Variants in RARB observed in about 807,000 individuals in gnomAD.
RARB encodes the protein HBV-activated protein.
In RARB, 17 loss-of-function variants were observed where a neutral mutation model predicts 51.9. The observed-to-expected ratio is 0.33, with a 90% confidence interval of 0.22 to 0.49. The LOEUF is 0.49. Ranked by LOEUF, RARB falls within the 20% of genes least tolerant of loss-of-function variation. The pLI is 0.99. For missense variants in RARB, 369 were observed against 550.8 expected, an observed-to-expected ratio of 0.67 and a Z score of 3.30; for synonymous variants, 215 against 195.4, an observed-to-expected ratio of 1.10 and a Z score of -0.84.
intron 4 of RARB, among the ~76,000 whole-genome samples, chr3:25,140,026 A>G (rs1487948913): frequency 6.6e-6 from 1 of 152,092 alleles, no homozygotes; most frequent in African/African-American, 2.4e-5. Flanking sequence ...CCTTCAAAAT[A>G]TTATTGCTTA....
intron 2 of RARB, among the ~76,000 whole-genome samples, chr3:25,499,489 C>CA (rs1161262663): frequency 6.6e-6 from 1 of 152,158 alleles, no homozygotes; most frequent in African/African-American, 2.4e-5. Flanking sequence ...CCATTGTCTG[C>CA]AAAGCTGTAT....
intron 5 of RARB, among the ~76,000 whole-genome samples, chr3:25,383,906 G>A (rs532327626): frequency 6.6e-6 from 1 of 151,256 alleles, no homozygotes; most frequent in East Asian, 2.0e-4. Context: ...CTCCAACCTG[G>A]GGGACAAGAG....
intron 3 of RARB, among the ~76,000 whole-genome samples, chr3:25,555,277 T>A (rs540916884): frequency 5.3e-5 from 8 of 152,196 alleles, no homozygotes; most frequent in Non-Finnish European, 1.2e-4. Context: ...AGCTCTCTTC[T>A]CAGATGGCCC....
intron 5 of RARB, among the ~76,000 whole-genome samples, chr3:25,226,340 C>G (rs543505004): frequency 6.6e-6 from 1 of 152,138 alleles, no homozygotes; most frequent in Non-Finnish European, 1.5e-5. Flanking sequence ...TAGCAGTGAA[C>G]TTGCTCTGAC....
intron 2 of RARB, among the ~76,000 whole-genome samples, chr3:25,049,825 A>G (rs932239231): frequency 6.6e-6 from 1 of 152,236 alleles, no homozygotes; most frequent in Non-Finnish European, 1.5e-5. Flanking sequence ...GAAACTGCCC[A>G]GTGTACTGAA....
intron 2 of RARB, among the ~76,000 whole-genome samples, chr3:24,952,240 A>T (rs1470653344): frequency 2.2e-5 from 3 of 136,366 alleles, no homozygotes; most frequent in Non-Finnish European, 3.2e-5. Flanking sequence ...ACAAAAAGTA[A>T]CATTTGTTTT....
At chr3:25,533,473 C>A (rs1031613483) in intron 3 of RARB, among the ~76,000 whole-genome samples, 1 of 152,146 alleles carries the variant, frequency 6.6e-6, no homozygotes, top group Non-Finnish European at 1.5e-5. Flanking sequence ...TATTATTTTG[C>A]ATCTTGGGCT....
intron 1 of RARB, chr3:25,441,294 T>C: frequency 2.5e-6 from 1 of 401,124 alleles, no homozygotes; most frequent in Non-Finnish European, 4.8e-6. Flanking sequence ...GAAGCTCAGA[T>C]CTGTTTTAAA....
At chr3:25,174,692 T>C in intron 5 of RARB, 1 of 1,032,604 alleles carries the variant, frequency 9.7e-7, no homozygotes, top group Admixed American at 2.9e-5. Context: ...CTGGTTTCTT[T>C]TGGTCTTGAA....
chr3:25,542,743 C>T (rs962478413), intron 3 of RARB, among the ~76,000 whole-genome samples: 1 of 152,242 alleles, frequency 6.6e-6, no homozygotes, highest in African/African-American at 2.4e-5. Flanking sequence ...ACTTGCCTAA[C>T]AGCATTAGTA....
intron 5 of RARB, among the ~76,000 whole-genome samples, chr3:25,383,335 C>T (rs1051562600): frequency 1.3e-5 from 2 of 152,182 alleles, no homozygotes; most frequent in African/African-American, 4.8e-5. Context: ...AGTTCTTCAT[C>T]GTGGAAAGAG....
intron 2 of RARB, among the ~76,000 whole-genome samples, chr3:25,051,552 GT>G (rs1698332617): frequency 6.6e-6 from 1 of 151,606 alleles, no homozygotes; most frequent in Admixed American, 6.6e-5. Flanking sequence ...AAGTTTTATT[GT>G]TAATAGAGCT....
chr3:24,868,206 A>G (rs1403664852), intron 2 of RARB, among the ~76,000 whole-genome samples: 5 of 152,168 alleles, frequency 3.3e-5, no homozygotes, highest in African/African-American at 4.8e-5. Context: ...GCCTGTTTTA[A>G]AATCTGTCCA....
chr3:25,100,897 CCATT>C (rs1311697548), intron 3 of RARB, among the ~76,000 whole-genome samples: 1 of 152,150 alleles, frequency 6.6e-6, no homozygotes, highest in African/African-American at 2.4e-5. Flanking sequence ...ACATTCAAGT[CCATT>C]CATTAATCTT....
chr3:25,141,531 C>G (rs1345613759), intron 4 of RARB, among the ~76,000 whole-genome samples: 1 of 152,072 alleles, frequency 6.6e-6, no homozygotes, highest in Non-Finnish European at 1.5e-5. Context: ...CCTGGAGTAC[C>G]TAAAAGCCTT....
intron 5 of RARB, among the ~76,000 whole-genome samples, chr3:25,271,157 C>T (rs567942195): frequency 1.3e-5 from 2 of 152,160 alleles, no homozygotes; most frequent in African/African-American, 4.8e-5. Flanking sequence ...CAACCAATTA[C>T]GATGGAATAT....
chr3:25,381,044 G>A (rs571199639), intron 5 of RARB, among the ~76,000 whole-genome samples: 1 of 151,734 alleles, frequency 6.6e-6, no homozygotes, highest in African/African-American at 2.4e-5. Context: ...CCTTCACTCA[G>A]GCTTCCGTTT....
At chr3:25,363,807 C>T (rs1706027721) in intron 5 of RARB, among the ~76,000 whole-genome samples, 1 of 152,198 alleles carries the variant, frequency 6.6e-6, no homozygotes, top group African/African-American at 2.4e-5. Context: ...TCTGTGGCAC[C>T]CCTCAGCTTC....
intron 5 of RARB, among the ~76,000 whole-genome samples, chr3:25,423,254 C>T (rs542035865): frequency 6.6e-6 from 1 of 152,222 alleles, no homozygotes; most frequent in East Asian, 1.9e-4. Flanking sequence ...TATTGGTGCA[C>T]ATGCCCACAG....
Sources: allele counts gnomAD v4.1 joint callset (sites outside exome capture counted in the v4.1 genomes callset), GRCh38; gene constraint gnomAD v4.1.1; transcripts MANE v1.5; gene names NCBI Gene and HGNC (gene_info 2026-07-23, HGNC 2026-07-21).